The following RPS6KC1 variants were observed in gnomAD, a reference collection of about 807,000 sequenced individuals.
The protein encoded by RPS6KC1 is inactive ribosomal protein S6 kinase delta-1.
Under a neutral mutation model 103.8 loss-of-function variants are expected in RPS6KC1, and 54 were observed. That is an observed-to-expected ratio of 0.52 (90% confidence interval 0.42 to 0.65). The LOEUF is 0.65. Ranked by LOEUF, RPS6KC1 falls within the 30% of genes least tolerant of loss-of-function variation. The pLI, the probability that RPS6KC1 is intolerant of heterozygous loss-of-function variation, is 0.00. For missense variants in RPS6KC1, 1,151 were observed against 1,253.8 expected (o/e 0.92, Z 1.24); for synonymous variants, 439 against 438.7 (o/e 1.00, Z -0.01).
chr1:213,668,804 A>C, the RPS6KC1 span, among the ~76,000 whole-genome samples: 1 of 152,218 alleles, frequency 6.6e-6, no homozygotes, highest in Non-Finnish European at 1.5e-5. Flanking sequence ...AACTTGCAGC[A>C]GTTTCTATAT....
At chr1:213,298,412 G>A in the RPS6KC1 span, among the ~76,000 whole-genome samples, 4 of 151,992 alleles carry the variant, frequency 2.6e-5, no homozygotes, top group African/African-American at 9.7e-5. Flanking sequence ...AAAGCTTCTA[G>A]TATTTGTTCT....
chr1:213,097,293 G>T (rs1262474094), intron 3 of RPS6KC1, among the ~76,000 whole-genome samples: 1 of 152,194 alleles, frequency 6.6e-6, no homozygotes, highest in East Asian at 1.9e-4. Context: ...GGCGGAGGCT[G>T]CAGTGAGCTG....
chr1:213,793,108 C>G, the RPS6KC1 span, among the ~76,000 whole-genome samples: 2 of 152,188 alleles, frequency 1.3e-5, no homozygotes, highest in Non-Finnish European at 2.9e-5. Flanking sequence ...GAGATCAATT[C>G]CCAATCTCTT....
At chr1:213,766,911 G>A in the RPS6KC1 span, among the ~76,000 whole-genome samples, 35 of 151,868 alleles carry the variant, frequency 2.3e-4, no homozygotes, top group Non-Finnish European at 4.7e-4. Context: ...GCCTCCCCTC[G>A]CCATTCAACC....
At chr1:213,805,901 G>T in the RPS6KC1 span, among the ~76,000 whole-genome samples, 1 of 152,220 alleles carries the variant, frequency 6.6e-6, no homozygotes, top group East Asian at 1.9e-4. Flanking sequence ...TGTTGTGTTA[G>T]CAGGCATGAA....
intron 6 of RPS6KC1, among the ~76,000 whole-genome samples, chr1:213,134,339 TCTC>T (rs1366208798): frequency 1.3e-5 from 2 of 151,936 alleles, no homozygotes; most frequent in Non-Finnish European, 2.9e-5. Flanking sequence ...TTTTCTTCCT[TCTC>T]CTCTCCTTCC....
the RPS6KC1 span, among the ~76,000 whole-genome samples, chr1:213,683,479 T>C: frequency 2.6e-5 from 4 of 152,110 alleles, no homozygotes; most frequent in African/African-American, 9.7e-5. Flanking sequence ...TTTCACAAAA[T>C]ACAGCCTGGA....
chr1:213,087,612 A>C (rs1357734284), intron 3 of RPS6KC1, among the ~76,000 whole-genome samples: 1 of 152,232 alleles, frequency 6.6e-6, no homozygotes, highest in Admixed American at 6.5e-5. Flanking sequence ...TCCTTCTTCC[A>C]GTATCCTATG....
At chr1:213,322,672 T>C in the RPS6KC1 span, among the ~76,000 whole-genome samples, 1 of 152,178 alleles carries the variant, frequency 6.6e-6, no homozygotes, top group Non-Finnish European at 1.5e-5. Flanking sequence ...TTTTCTAGAC[T>C]TTTCCACTTT....
the RPS6KC1 span, among the ~76,000 whole-genome samples, chr1:213,366,191 A>G: frequency 2.0e-5 from 3 of 152,204 alleles, no homozygotes; most frequent in Non-Finnish European, 4.4e-5. Flanking sequence ...GGACCAGATA[A>G]CCTGGCGTAG....
the RPS6KC1 span, among the ~76,000 whole-genome samples, chr1:213,591,607 G>A: frequency 4.6e-5 from 7 of 152,110 alleles, no homozygotes; most frequent in African/African-American, 1.7e-4. Flanking sequence ...GCCTGATGAT[G>A]GTAGATCTGG....
chr1:213,550,230 G>A, the RPS6KC1 span, among the ~76,000 whole-genome samples: 2 of 152,182 alleles, frequency 1.3e-5, no homozygotes, highest in South Asian at 2.1e-4. Flanking sequence ...GGGTAACATT[G>A]CGGTGTCAGA....
At chr1:213,800,686 T>C in the RPS6KC1 span, among the ~76,000 whole-genome samples, 1 of 152,176 alleles carries the variant, frequency 6.6e-6, no homozygotes, top group African/African-American at 2.4e-5. Context: ...GAAGTGATGG[T>C]ATCCTGGTCA....
At chr1:213,762,478 T>A in the RPS6KC1 span, among the ~76,000 whole-genome samples, 2 of 152,298 alleles carry the variant, frequency 1.3e-5, no homozygotes, top group South Asian at 4.1e-4. Flanking sequence ...TAGAGATGCA[T>A]CAAATACTAG....
chr1:213,300,406 G>C, the RPS6KC1 span, among the ~76,000 whole-genome samples: 2 of 152,122 alleles, frequency 1.3e-5, no homozygotes, highest in Non-Finnish European at 2.9e-5. Flanking sequence ...ATGGGAGAAG[G>C]GACAATATTT....
chr1:213,714,762 G>A, the RPS6KC1 span, among the ~76,000 whole-genome samples: 1 of 152,254 alleles, frequency 6.6e-6, no homozygotes, highest in Non-Finnish European at 1.5e-5. Flanking sequence ...TTTCTTTGGA[G>A]TGTATTTCCT....
the RPS6KC1 span, among the ~76,000 whole-genome samples, chr1:213,647,359 G>T: frequency 6.6e-6 from 1 of 152,092 alleles, no homozygotes; most frequent in African/African-American, 2.4e-5. Flanking sequence ...GCTAGAATTT[G>T]TTTTTCACTC....
chr1:213,083,063 AAG>A (rs754649335), intron 3 of RPS6KC1, among the ~76,000 whole-genome samples: 17 of 152,286 alleles, frequency 1.1e-4, no homozygotes, highest in South Asian at 6.2e-4. Context: ...AAACCCCAAT[AAG>A]AGTCACAGGT....
intron 10 of RPS6KC1, among the ~76,000 whole-genome samples, chr1:213,233,205 A>G (rs1440517609): frequency 6.6e-6 from 1 of 152,178 alleles, no homozygotes; most frequent in African/African-American, 2.4e-5. Context: ...ATAACTACAG[A>G]TGGAGGGAAG....
Sources: allele counts gnomAD v4.1 joint callset (sites outside exome capture counted in the v4.1 genomes callset), GRCh38; gene constraint gnomAD v4.1.1; transcripts MANE v1.5; gene names NCBI Gene and HGNC (gene_info 2026-07-23, HGNC 2026-07-21).